Variants in FRK observed in about 807,000 individuals in gnomAD.
FRK encodes the protein fyn related Src family tyrosine kinase, also known as tyrosine-protein kinase FRK.
FRK carries 51 observed loss-of-function variants against 56.4 expected under a neutral mutation model. That is an observed-to-expected ratio of 0.90 (90% confidence interval 0.72 to 1.14). The LOEUF (loss-of-function observed/expected upper bound fraction) is 1.14. Among genes scored for constraint, FRK ranks in the 50% most tolerant of loss-of-function variants. The pLI is 0.00. For missense variants in FRK, 570 were observed against 601.4 expected, an observed-to-expected ratio of 0.95 and a Z score of 0.55; for synonymous variants, 245 against 217.9, an observed-to-expected ratio of 1.12 and a Z score of -1.10.
intron 2 of FRK, among the ~76,000 whole-genome samples, chr6:115,978,426 A>G (rs893359908): frequency 2.6e-5 from 4 of 152,196 alleles, no homozygotes; most frequent in Non-Finnish European, 5.9e-5. Context: ...GAACTTGCCT[A>G]TTATGCTTTA....
chr6:116,016,747 CTTTT>C (rs1165633995), intron 1 of FRK, among the ~76,000 whole-genome samples: 9 of 152,200 alleles, frequency 5.9e-5, no homozygotes, highest in Admixed American at 2.0e-4. Context: ...TTCTTTCTTT[CTTTT>C]TAATAATTTA....
intron 4 of FRK, among the ~76,000 whole-genome samples, chr6:115,959,870 CTA>C (rs1049917029): frequency 1.3e-5 from 2 of 152,096 alleles, no homozygotes; most frequent in African/African-American, 4.8e-5. Flanking sequence ...GAATTTGACA[CTA>C]TTCACTTGTT....
At chr6:115,958,716 A>AAAGAAGGAAGG (rs1773166404) in intron 4 of FRK, among the ~76,000 whole-genome samples, 3 of 20,266 alleles carry the variant, frequency 1.5e-4, no homozygotes, top group African/African-American at 6.1e-4. Flanking sequence ...AGAAAGAAAG[A>AAAGAAGGAAGG]AAGAAAGAAA....
At chr6:116,017,234 T>A (rs1383601725) in intron 1 of FRK, among the ~76,000 whole-genome samples, 1 of 152,164 alleles carries the variant, frequency 6.6e-6, no homozygotes, top group African/African-American at 2.4e-5. Flanking sequence ...TTACACGTTT[T>A]AAGTTCAGCC....
At chr6:115,982,201 T>C (rs1444720573) in intron 2 of FRK, among the ~76,000 whole-genome samples, 4 of 152,144 alleles carry the variant, frequency 2.6e-5, no homozygotes, top group Non-Finnish European at 2.9e-5. Context: ...GATGTCCATC[T>C]TTTCCTGCAC....
chr6:116,002,865 G>C lies in FRK; in HGVS notation c.466+1012C>G, dbSNP rs1160081455. The C allele has an allele frequency of 8.7e-6, 3 of 345,308 alleles. No individual in the cohort carries two copies. The Admixed American group carries it at 9.6e-5, about 11-fold the overall frequency. The allele number at this position is 345,308 out of a possible 1,614,324, so 21.4% of individuals were successfully genotyped here. On this transcript the variant is annotated intron_variant, in intron 2 of 7. Transcript: ENST00000606080. ...TCTGCCCTGATATTTGGGACTACCA[G>C]GTGTGGAGAAGGATAATGTGTACCA...
At chr6:116,078,775 C>G in the FRK span, among the ~76,000 whole-genome samples, 1 of 152,210 alleles carries the variant, frequency 6.6e-6, no homozygotes, top group Admixed American at 6.5e-5. Context: ...AAACACTTTC[C>G]TGACTTTTAC....
chr6:116,012,044 T>C (rs578108023), intron 1 of FRK, among the ~76,000 whole-genome samples: 1 of 152,328 alleles, frequency 6.6e-6, no homozygotes, highest in East Asian at 1.9e-4. Context: ...TCCCTCACCA[T>C]AACCCTTGTC....
In FRK at chr6:115,939,237, C is replaced by G. The variant is rs1215715827; in HGVS notation, c.*3177G>C. The G allele has an allele frequency of 6.6e-6, 1 of 152,086 alleles. No individual in the cohort carries two copies. The highest frequency in any genetic ancestry group is 2.1e-4 in the South Asian group (1 of 4,804). The allele number at this position is 152,086 out of a possible 1,614,324, so 9.4% of individuals were successfully genotyped here. Reference sequence around the variant, plus strand: ...CATAAACAGAACCAATGACAAAAACCACATGATGATCTCAATAGATGCAGA... The same window carrying G: ...CATAAACAGAACCAATGACAAAAACGACATGATGATCTCAATAGATGCAGA... On this transcript the variant is annotated 3_prime_UTR_variant, in exon 8 of 8. Transcript: ENST00000606080.
chr6:116,043,263 AC>A (rs1776799232), intron 1 of FRK, among the ~76,000 whole-genome samples: 1 of 152,152 alleles, frequency 6.6e-6, no homozygotes, highest in African/African-American at 2.4e-5. Flanking sequence ...ACAACTCTCC[AC>A]CCTGAATCAA....
chr6:116,003,071 T>G (rs1306293987), intron 2 of FRK, among the ~76,000 whole-genome samples: 1 of 152,162 alleles, frequency 6.6e-6, no homozygotes, highest in African/African-American at 2.4e-5. Context: ...GAAACAGGAA[T>G]AGAGGGAAGC....
chr6:115,998,189 C>T (rs1774915502), intron 2 of FRK, among the ~76,000 whole-genome samples: 3 of 152,176 alleles, frequency 2.0e-5, no homozygotes, highest in East Asian at 1.9e-4. Flanking sequence ...TCATCTTGCA[C>T]CTATAATTTC....
chr6:115,960,076 A>G (rs1221715867), intron 4 of FRK, among the ~76,000 whole-genome samples: 2 of 152,192 alleles, frequency 1.3e-5, no homozygotes, highest in Admixed American at 1.3e-4. Flanking sequence ...TCCTGTCTAC[A>G]GCTCCCAGCG....
chr6:116,061,164 G>A (rs1777610900), upstream of FRK, among the ~76,000 whole-genome samples: 1 of 151,986 alleles, frequency 6.6e-6, no homozygotes, highest in African/African-American at 2.4e-5. Flanking sequence ...CACCACTAGG[G>A]GAAATTTAAA....
At chr6:116,012,608 T>C (rs1775512308) in intron 1 of FRK, among the ~76,000 whole-genome samples, 1 of 152,250 alleles carries the variant, frequency 6.6e-6, no homozygotes, top group Non-Finnish European at 1.5e-5. Context: ...CCACATGCCC[T>C]GTGGAGCTGT....
At chr6:115,950,928 C>T (rs929518410) in intron 5 of FRK, among the ~76,000 whole-genome samples, 1 of 152,156 alleles carries the variant, frequency 6.6e-6, no homozygotes, top group Non-Finnish European at 1.5e-5. Flanking sequence ...AACAGAAAAC[C>T]AAACACTGCA....
chr6:115,992,892 G>A (rs1774671795), intron 2 of FRK, among the ~76,000 whole-genome samples: 1 of 151,714 alleles, frequency 6.6e-6, no homozygotes, highest in Non-Finnish European at 1.5e-5. Flanking sequence ...AAAAGAGAAT[G>A]AGATACAATA....
chr6:115,960,130 G>GTA (rs1773276005), intron 4 of FRK, among the ~76,000 whole-genome samples: 2 of 151,960 alleles, frequency 1.3e-5, no homozygotes, highest in East Asian at 3.9e-4. Flanking sequence ...TCCATCTGAG[G>GTA]TACCGGGTTC....
intron 2 of FRK, among the ~76,000 whole-genome samples, chr6:115,981,695 G>A (rs2114638315): frequency 6.6e-6 from 1 of 152,012 alleles, no homozygotes; most frequent in Admixed American, 6.6e-5. Context: ...CATACAGAAA[G>A]GTAACAAACG....
Sources: allele counts gnomAD v4.1 joint callset (sites outside exome capture counted in the v4.1 genomes callset), GRCh38; gene constraint gnomAD v4.1.1; transcripts MANE v1.5; gene names NCBI Gene and HGNC (gene_info 2026-07-23, HGNC 2026-07-21).